MNAT1: variants seen among roughly 807,000 people sequenced by gnomAD.
The protein encoded by MNAT1 is MNAT1 component of CDK activating kinase.
A neutral mutation model predicts 42.0 loss-of-function variants in MNAT1; 43 were observed. The ratio of observed to expected loss-of-function variants is 1.02; its 90% confidence interval spans 0.80 to 1.32. The LOEUF is 1.32. Among genes scored for constraint, MNAT1 ranks in the 40% most tolerant of loss-of-function variants. MNAT1 has a pLI of 0.00. For synonymous variants in MNAT1, 118 were observed against 120.0 expected (o/e 0.98, Z 0.11); for missense variants, 306 against 350.4 (o/e 0.87, Z 1.01).
chr14:60,747,185 C>A (rs1021579310), intron 1 of MNAT1, among the ~76,000 whole-genome samples: 1 of 151,576 alleles, frequency 6.6e-6, no homozygotes, highest in Non-Finnish European at 1.5e-5. Context: ...GGGGTTTCAC[C>A]ATGTTAGCCA....
chr14:60,876,696 T>A (rs781167932), intron 6 of MNAT1, among the ~76,000 whole-genome samples: 7 of 152,088 alleles, frequency 4.6e-5, no homozygotes, highest in South Asian at 4.1e-4. Flanking sequence ...TATGCCTGGC[T>A]TATTTCATTT....
chr14:60,818,670 T>C, intron 5 of MNAT1, 52 bp from the exon 6 acceptor site: 1 of 1,463,830 alleles, frequency 6.8e-7, no homozygotes, highest in Non-Finnish European at 9.2e-7. Context: ...AGTCTTGTTG[T>C]TTTTAGTTTT....
rs187207046 is a variant in MNAT1 at position 60,824,749 on chromosome 14, A to G, written c.687+5902A>G. ...CATAAAATGCTAAAGCTGGTGCCCA[A>G]TGTATGCTAGCCATGTGGTAAATAG... is the stretch of plus-strand genomic sequence containing the variant. On this transcript the variant is annotated intron_variant, in intron 6 of 7. Transcript: ENST00000261245. Among the ~76,000 whole-genome samples, 9 of 152,318 alleles carry G rather than the reference A, an allele frequency of 5.9e-5. No individual in the cohort carries two copies. In the East Asian group the frequency reaches 1.5e-3, roughly 26 times the overall value.
chr14:60,952,505 G>T (rs1201823159), intron 7 of MNAT1, among the ~76,000 whole-genome samples: 1 of 152,116 alleles, frequency 6.6e-6, no homozygotes, highest in Admixed American at 6.5e-5. Flanking sequence ...CAATGAAGAT[G>T]ATGTGAGAGG....
chr14:60,746,598 C>A (rs1896623426), intron 1 of MNAT1, among the ~76,000 whole-genome samples: 2 of 150,912 alleles, frequency 1.3e-5, no homozygotes, highest in African/African-American at 2.4e-5. Flanking sequence ...TTCGTATTAG[C>A]TGTAATTTTT....
In MNAT1 at chr14:60,954,935, G is replaced by A. The variant is rs530055834; in HGVS notation, c.810-13294G>A. ...TTGATAGTTTTTATCATGAAAGGAC[G>A]TTGAATTTTGTTAAATGCTTTTTTT... On this transcript the variant is annotated intron_variant, in intron 7 of 7. Coordinates refer to ENST00000261245, the MANE Select transcript of MNAT1 (RefSeq NM_002431.4). Among the ~76,000 whole-genome samples, 19 of 152,142 alleles carry A rather than the reference G, an allele frequency of 1.2e-4. No homozygotes were observed. In the East Asian group the frequency reaches 1.7e-3, roughly 14 times the overall value.
intron 7 of MNAT1, among the ~76,000 whole-genome samples, chr14:60,934,068 T>TAA (rs1199751374): frequency 1.3e-5 from 2 of 152,182 alleles, no homozygotes; most frequent in African/African-American, 4.8e-5. Flanking sequence ...GAGATGTACA[T>TAA]AAGCTGCTTA....
intron 1 of MNAT1, among the ~76,000 whole-genome samples, chr14:60,753,100 C>G (rs1004465678): frequency 6.6e-6 from 1 of 152,190 alleles, no homozygotes; most frequent in African/African-American, 2.4e-5. Context: ...ACAAATTATC[C>G]TAAAACTAAA....
intron 6 of MNAT1, among the ~76,000 whole-genome samples, chr14:60,823,731 C>T (rs1291182555): frequency 1.3e-5 from 2 of 152,002 alleles, no homozygotes; most frequent in Admixed American, 1.3e-4. Flanking sequence ...TGGTGGCAGG[C>T]GCTTGTAATC....
rs374421621 is a variant in MNAT1 at position 60,964,305 on chromosome 14, C to T, written c.810-3924C>T. Among the ~76,000 whole-genome samples the T allele has an allele frequency of 8.4e-4, 128 of 152,288 alleles. 1 individual carries two copies. Among genetic ancestry groups the T allele is most frequent in the African/African-American group, 3.0e-3 (124 of 41,548 alleles). The stretch of plus-strand genomic sequence containing the variant: ...TTGCTCCTTTTCCCTCCCTCTTCTC[C>T]AAGGTCTGTTTGAAAGGGATTTTGA... On this transcript the variant is annotated intron_variant, in intron 7 of 7. Transcript: ENST00000261245.
At chr14:60,917,643 T>A (rs560315398) in intron 7 of MNAT1, among the ~76,000 whole-genome samples, 4 of 151,876 alleles carry the variant, frequency 2.6e-5, no homozygotes, top group South Asian at 2.1e-4. Context: ...TTTTTTTTTT[T>A]ATGGAGTCTC....
chr14:60,747,070 C>T (rs1215553216), intron 1 of MNAT1, among the ~76,000 whole-genome samples: 2 of 148,368 alleles, frequency 1.3e-5, no homozygotes, highest in Non-Finnish European at 1.5e-5. Flanking sequence ...ACTGCAAGCT[C>T]TGCCTCCCAG....
intron 7 of MNAT1, among the ~76,000 whole-genome samples, chr14:60,914,843 A>G (rs4151349): frequency 0.016 from 2,432 of 152,328 alleles, 60 homozygotes; most frequent in African/African-American, 0.056. Context: ...TCAAATGGCT[A>G]TACTTTGGGA....
At chr14:60,759,252 TA>T (rs2140298579) in intron 1 of MNAT1, among the ~76,000 whole-genome samples, 1 of 152,332 alleles carries the variant, frequency 6.6e-6, no homozygotes, top group Admixed American at 6.5e-5. Flanking sequence ...GCTTATCATG[TA>T]AAGATTTTTC....
At position 60,808,354 on chromosome 14, in the gene MNAT1, GACA is replaced by G. The variant is rs762221374; in HGVS notation, c.350_352del (p.Asn117del). 1.7e-5 allele frequency: 27 copies of G among 1,580,590 alleles called. No homozygotes were observed. The highest frequency in any genetic ancestry group is 7.6e-5 in the Admixed American group (4 of 52,730). On this transcript the variant is annotated inframe_deletion, in exon 4 of 8. Transcript: ENST00000261245. ...CAACTTGACCAACAATGTGGATTTGGACAACACCAAAAAGAAAATGGAGATATA... is the reference window on the plus strand; with the variant it reads ...CAACTTGACCAACAATGTGGATTTGGACACCAAAAAGAAAATGGAGATATA...
chr14:60,961,943 T>G (rs541748406), intron 7 of MNAT1, among the ~76,000 whole-genome samples: 4 of 152,200 alleles, frequency 2.6e-5, no homozygotes, highest in Non-Finnish European at 5.9e-5. Flanking sequence ...TTAAGGAATA[T>G]TACCAAAGAA....
chr14:60,954,677 T>C (rs1169646229), intron 7 of MNAT1, among the ~76,000 whole-genome samples: 1 of 152,200 alleles, frequency 6.6e-6, no homozygotes, highest in Non-Finnish European at 1.5e-5. Context: ...GATCATGTTA[T>C]CTGCAAACAG....
intron 6 of MNAT1, among the ~76,000 whole-genome samples, chr14:60,832,308 TA>T (rs1269072068): frequency 2.0e-5 from 3 of 152,240 alleles, no homozygotes; most frequent in Non-Finnish European, 4.4e-5. Flanking sequence ...TTTATGGTTT[TA>T]GGTCTTACGT....
At chr14:60,804,705 A>T (rs1036231954) in intron 3 of MNAT1, among the ~76,000 whole-genome samples, 5 of 152,026 alleles carry the variant, frequency 3.3e-5, no homozygotes, top group Admixed American at 3.3e-4. Context: ...TAATTTTAAA[A>T]GTTTTTAATT....
Sources: allele counts gnomAD v4.1 joint callset (sites outside exome capture counted in the v4.1 genomes callset), GRCh38; gene constraint gnomAD v4.1.1; transcripts MANE v1.5; gene names NCBI Gene and HGNC (gene_info 2026-07-23, HGNC 2026-07-21).